CCDC61: variants seen among roughly 807,000 people sequenced by gnomAD.
The protein encoded by CCDC61 is centrosomal protein CCDC61.
CCDC61 carries 55 observed loss-of-function variants against 63.0 expected under a neutral mutation model. That is an observed-to-expected ratio of 0.87 (90% CI 0.70 to 1.09). CCDC61 has a LOEUF of 1.09. CCDC61 is among the 50% of genes least tolerant of loss of function. The pLI, the probability that CCDC61 is intolerant of heterozygous loss-of-function variation, is 0.00. For missense variants in CCDC61, 651 were observed against 731.4 expected (o/e 0.89, Z 1.27); for synonymous variants, 270 against 317.0 (o/e 0.85, Z 1.58).
At chr19:46,010,352 C>A (rs919307087) in intron 5 of CCDC61, among the ~76,000 whole-genome samples, 4 of 152,208 alleles carry the variant, frequency 2.6e-5, no homozygotes, top group African/African-American at 9.6e-5. Context: ...AGGCTCTGCC[C>A]CCAGAAAGGT....
chr19:46,011,236 G>T (rs1968824151), intron 5 of CCDC61, among the ~76,000 whole-genome samples: 1 of 151,800 alleles, frequency 6.6e-6, no homozygotes, highest in Non-Finnish European at 1.5e-5. Context: ...TTTTTATAGA[G>T]ACAGGGTTTG....
intron 3 of CCDC61, among the ~76,000 whole-genome samples, chr19:46,004,553 C>T (rs1253038572): frequency 1.3e-5 from 2 of 152,174 alleles, no homozygotes; most frequent in African/African-American, 4.8e-5. Flanking sequence ...CAATCTCTGC[C>T]TCCTGGGTTC....
At chr19:46,013,128 C>T (rs1200251499) in intron 5 of CCDC61, among the ~76,000 whole-genome samples, 2 of 152,174 alleles carry the variant, frequency 1.3e-5, no homozygotes, top group Non-Finnish European at 2.9e-5. Context: ...AAGCGATTCT[C>T]CTGCCTCAGC....
At position 46,015,831 on chromosome 19, in the gene CCDC61, G is replaced by A. The variant is rs377473599; in HGVS notation, c.846-223G>A. Among the ~76,000 whole-genome samples the A allele has an allele frequency of 6.6e-6, 1 of 151,960 alleles. No individual in the cohort carries two copies. The highest frequency in any genetic ancestry group is 1.5e-5 in the Non-Finnish European group (1 of 67,960). ...CCGGAAAGAAGGGTCTGTTGAAGGC[G>A]GTGTGTTGAAAGGATGTAGGGGAAT... On this transcript the variant is annotated intron_variant, in intron 7 of 13. Coordinates refer to ENST00000595358, the MANE Select transcript of CCDC61 (RefSeq NM_001267723.2). The surrounding 1 kb of genome is among the most constrained non-coding windows in gnomAD (Gnocchi z 5.3).
At chr19:45,995,532 G>A (rs775682804) in intron 1 of CCDC61, 28 bp downstream of exon 1, 16 of 504,780 alleles carry the variant, frequency 3.2e-5, no homozygotes, top group Non-Finnish European at 6.5e-5. Flanking sequence ...TGGCGGTTGC[G>A]CGGGCCGTGG....
Position 45,995,478 on chromosome 19 carries a change from T to C in CCDC61, c.-38T>C. 2 of 530,594 alleles carry C rather than the reference T, an allele frequency of 3.8e-6. No homozygotes were observed. Among genetic ancestry groups the C allele is most frequent in the Middle Eastern group, 3.2e-4 (1 of 3,130 alleles). 32.9% of individuals were successfully genotyped at this position (530,594 alleles called of 1,614,324 possible). ...GCTGGAGCTTCGTCAGTTGAACCGC[T>C]CGCGAGGAGGGTTGCTAGTGGAGAA... On this transcript the variant is annotated 5_prime_UTR_variant, in exon 1 of 14. Transcript: ENST00000595358.
chr19:45,998,194 G>A (rs1282976171), intron 1 of CCDC61, among the ~76,000 whole-genome samples: 2 of 152,232 alleles, frequency 1.3e-5, no homozygotes, highest in African/African-American at 4.8e-5. Context: ...CATGTGTGGG[G>A]TGGTAGGGTC....
intron 3 of CCDC61, among the ~76,000 whole-genome samples, chr19:46,004,535 A>C (rs1968660680): frequency 6.6e-6 from 1 of 151,014 alleles, no homozygotes; most frequent in Non-Finnish European, 1.5e-5. Context: ...CGTGATCTCA[A>C]CTCACTGCAA....
At chr19:46,004,780 G>C (rs1322937297) in intron 3 of CCDC61, among the ~76,000 whole-genome samples, 1 of 151,650 alleles carries the variant, frequency 6.6e-6, no homozygotes, top group Admixed American at 6.6e-5. Flanking sequence ...GTAATAATCA[G>C]GGGGAAGAAG....
intron 1 of CCDC61, among the ~76,000 whole-genome samples, chr19:46,002,425 A>G (rs771680733): frequency 5.0e-4 from 73 of 145,324 alleles, no homozygotes; most frequent in South Asian, 1.5e-3. Flanking sequence ...TTTGGCCATC[A>G]TGTATTTCTT....
Position 46,018,425 on chromosome 19 carries a change from C to G in CCDC61, c.*38C>G. ...GTACTACCCCTCCATCCCCCACCCA[C>G]TTGCTGGGTATGGTGTGGGGGGTGG... On this transcript the variant is annotated 3_prime_UTR_variant, in exon 14 of 14. Coordinates refer to ENST00000595358, the MANE Select transcript of CCDC61 (RefSeq NM_001267723.2). The surrounding 1 kb of genome is among the most constrained non-coding windows in gnomAD (Gnocchi z 4.2). 6.7e-7 allele frequency: 1 copy of G among 1,501,140 alleles called. No individual in the cohort carries two copies. The highest frequency in any genetic ancestry group is 9.1e-7 in the Non-Finnish European group (1 of 1,102,190). 93.0% of individuals were successfully genotyped at this position (1,501,140 alleles called of 1,614,324 possible).
At chr19:46,008,441 C>A (rs1160887179) in intron 5 of CCDC61, 140 bp downstream of exon 5, 3 of 779,502 alleles carry the variant, frequency 3.8e-6, no homozygotes, top group Non-Finnish European at 6.0e-6. Context: ...AAGAGTCTCA[C>A]TCTGTTGCCC....
chr19:46,015,516 G>T lies in CCDC61; in HGVS notation c.845+89G>T. ...GAGGCGGAGCCTAAGGGGGCGGGGCGGGGCCAGGTAGGGTGGAGGGGGCGG... is the reference window on the plus strand; with the variant it reads ...GAGGCGGAGCCTAAGGGGGCGGGGCTGGGCCAGGTAGGGTGGAGGGGGCGG... On this transcript the variant is annotated intron_variant, in intron 7 of 13. Coordinates refer to ENST00000595358, the MANE Select transcript of CCDC61 (RefSeq NM_001267723.2). This position sits in a 1 kb window ranked among gnomAD's most constrained non-coding sequence, Gnocchi z 5.3. 1 of 1,052,344 alleles carries T rather than the reference G, an allele frequency of 9.5e-7. No individual in the cohort carries two copies. Among genetic ancestry groups the T allele is most frequent in the Non-Finnish European group, 1.3e-6 (1 of 753,560 alleles). The allele number at this position is 1,052,344 out of a possible 1,614,324, so 65.2% of individuals were successfully genotyped here.
At chr19:46,003,283 C>T in intron 2 of CCDC61, 117 bp downstream of exon 2, 2 of 1,441,420 alleles carry the variant, frequency 1.4e-6, no homozygotes, top group Non-Finnish European at 1.9e-6. Context: ...CAGAAACTCT[C>T]CAGTGTGGGG....
Position 46,015,025 on chromosome 19 carries a change from G to T in CCDC61, c.552-24G>T. On this transcript the variant is annotated intron_variant, in intron 5 of 13. Transcript: ENST00000595358. The surrounding 1 kb of genome is among the most constrained non-coding windows in gnomAD (Gnocchi z 5.3). ...GAATGGGGCCATGCCTCTCTCTCCA[G>T]CGCTCTCTCCGCGTCTTCCCCAGGG... is the stretch of plus-strand genomic sequence containing the variant. 6.7e-7 allele frequency: 1 copy of T among 1,487,884 alleles called. No individual in the cohort carries two copies. Among genetic ancestry groups the T allele is most frequent in the Non-Finnish European group, 8.9e-7 (1 of 1,122,090 alleles). The allele number at this position is 1,487,884 out of a possible 1,614,324, so 92.2% of individuals were successfully genotyped here.
At position 46,016,228 on chromosome 19, in the gene CCDC61, G is replaced by A. The variant is rs1437389688; in HGVS notation, c.1015+5G>A. 5 of 1,556,866 alleles carry A rather than the reference G, an allele frequency of 3.2e-6. No homozygotes were observed. The highest frequency in any genetic ancestry group is 3.5e-6 in the Non-Finnish European group (4 of 1,153,668). On this transcript the variant is annotated splice_donor_5th_base_variant and intron_variant, in intron 8 of 13. Transcript: ENST00000595358. The surrounding 1 kb of genome is among the most constrained non-coding windows in gnomAD (Gnocchi z 7.2). ...GCCCCTCGCCCTCGCCCACAGGTCT[G>A]TGCCCCTGCCCTGCGGTAGGGAGGG...
chr19:46,017,682 G>A (rs368872369), intron 12 of CCDC61, among the ~76,000 whole-genome samples: 11 of 152,118 alleles, frequency 7.2e-5, no homozygotes, highest in Non-Finnish European at 1.5e-4. Flanking sequence ...CTGGGCCAGC[G>A]CACCTGGCCT....
chr19:46,016,970 A>G lies in CCDC61; in HGVS notation c.1232-21A>G. On this transcript the variant is annotated intron_variant, in intron 10 of 13. Coordinates refer to ENST00000595358, the MANE Select transcript of CCDC61 (RefSeq NM_001267723.2). This position sits in a 1 kb window ranked among gnomAD's most constrained non-coding sequence, Gnocchi z 7.2. Reference sequence around the variant, plus strand: ...GCGGGGCCAGCGAGGGCCAGCGGTCACGCCCTCCGTCTCCCTCTAGTGGAC... The same window carrying G: ...GCGGGGCCAGCGAGGGCCAGCGGTCGCGCCCTCCGTCTCCCTCTAGTGGAC... The G allele has an allele frequency of 3.1e-6, 5 of 1,602,576 alleles. No individual in the cohort carries two copies. Among genetic ancestry groups the G allele is most frequent in the Non-Finnish European group, 4.3e-6 (5 of 1,175,070 alleles).
intron 5 of CCDC61, among the ~76,000 whole-genome samples, chr19:46,011,392 A>T (rs928249215): frequency 6.6e-6 from 1 of 151,722 alleles, no homozygotes; most frequent in Admixed American, 6.6e-5. Flanking sequence ...CCCCCTCTCC[A>T]CTTTTCATGC....
Sources: gnomAD v4.1 joint callset for allele counts (sites outside exome capture counted in the v4.1 genomes callset) on GRCh38, gnomAD v4.1.1 for gene constraint, Gnocchi (gnomAD v3.1) non-coding constraint, MANE v1.5 for transcripts, NCBI Gene and HGNC (gene_info 2026-07-23, HGNC 2026-07-21) for gene names.